Variants in SVEP1 observed in about 807,000 individuals in gnomAD.
SVEP1 encodes the protein sushi, von Willebrand factor type A, EGF and pentraxin domain containing 1.
A neutral mutation model predicts 367.3 loss-of-function variants in SVEP1; 164 were observed. That is an observed-to-expected ratio of 0.45 (90% CI 0.39 to 0.51). The LOEUF (loss-of-function observed/expected upper bound fraction) is 0.51, where lower values mean the gene tolerates loss of function less well. Among genes scored for constraint, SVEP1 ranks in the 20% least tolerant of loss-of-function variants. The pLI, the probability that SVEP1 is intolerant of heterozygous loss-of-function variation, is 0.00. For missense variants in SVEP1, 4,117 were observed against 4,425.3 expected (o/e 0.93, Z 1.98); for synonymous variants, 1,666 against 1,611.6 (o/e 1.03, Z -0.81).
At chr9:110,460,282 C>T (rs1443097739) in intron 18 of SVEP1, among the ~76,000 whole-genome samples, 1 of 151,952 alleles carries the variant, frequency 6.6e-6, no homozygotes, top group Non-Finnish European at 1.5e-5. Context: ...TAACTAATTG[C>T]TACCTTTTGA....
chr9:110,568,772 T>C (rs1010593594), intron 1 of SVEP1, among the ~76,000 whole-genome samples: 4 of 152,210 alleles, frequency 2.6e-5, no homozygotes, highest in African/African-American at 7.2e-5. Context: ...ACCATGTAGA[T>C]ACACAAATAT....
chr9:110,533,732 T>C (rs7036152), intron 3 of SVEP1, among the ~76,000 whole-genome samples: 109,387 of 152,134 alleles, frequency 0.72, 40,186 homozygotes, highest in Admixed American at 0.79. Context: ...TCCTCTAGCT[T>C]GGGCTATCAT....
chr9:110,487,229 T>C (rs1166187329), intron 9 of SVEP1, among the ~76,000 whole-genome samples: 1 of 152,216 alleles, frequency 6.6e-6, no homozygotes, highest in Non-Finnish European at 1.5e-5. Flanking sequence ...GTGCTGGTAT[T>C]ACAGGATGAG....
rs1827977559 is a variant in SVEP1, at chr9:110,407,707, C to T, written c.7893G>A (p.Gln2631=). 6.2e-7 allele frequency: 1 copy of T among 1,613,842 alleles called. No homozygotes were observed. Among genetic ancestry groups the T allele is most frequent in the Non-Finnish European group, 8.5e-7 (1 of 1,179,900 alleles). Residue 2631 remains glutamine (Q), a synonymous_variant, in exon 38 of 48, where the codon CAG becomes CAA. Transcript: ENST00000374469. ...TGTCGTCTTCTTGCTCAAAATATCC[C>T]TGGTCATCTTTGAGTTTAGTACAGT... ...FGDCTKLKDD[Q]GYFEQEDDMM...
chr9:110,459,909 G>T (rs1828831435), intron 18 of SVEP1, among the ~76,000 whole-genome samples: 1 of 152,006 alleles, frequency 6.6e-6, no homozygotes, highest in Non-Finnish European at 1.5e-5. Flanking sequence ...TTTTATGGAG[G>T]TTTTTTATGA....
At chr9:110,383,380 G>A (rs564215215) in intron 43 of SVEP1, among the ~76,000 whole-genome samples, 8 of 152,234 alleles carry the variant, frequency 5.3e-5, no homozygotes, top group Non-Finnish European at 1.0e-4. Context: ...TGCCTGGGTC[G>A]CACCTGCACC....
chr9:110,403,296 GT>G (rs71371665), intron 39 of SVEP1, among the ~76,000 whole-genome samples: 6 of 43,462 alleles, frequency 1.4e-4, no homozygotes, highest in East Asian at 6.8e-4. Flanking sequence ...CGCCACCGCC[GT>G]TTTTTTTTTT....
At chr9:110,401,134 G>C (rs1027452551) in intron 39 of SVEP1, 125 bp from the exon 40 acceptor site, 4 of 1,180,526 alleles carry the variant, frequency 3.4e-6, no homozygotes, top group South Asian at 1.5e-5. Context: ...CCCAGGGTTT[G>C]GTCCTACTTT....
intron 3 of SVEP1, among the ~76,000 whole-genome samples, chr9:110,537,290 C>G (rs891978290): frequency 6.6e-6 from 1 of 151,838 alleles, no homozygotes; most frequent in Non-Finnish European, 1.5e-5. Flanking sequence ...GCTCTCTTAA[C>G]CTAACAATGA....
At chr9:110,495,748 C>T (rs1829436198) in intron 8 of SVEP1, among the ~76,000 whole-genome samples, 1 of 151,820 alleles carries the variant, frequency 6.6e-6, no homozygotes, top group Non-Finnish European at 1.5e-5. Context: ...AAGTAAAATT[C>T]CTAAATGAAC....
chr9:110,460,832 G>A (rs1828847232), intron 18 of SVEP1, among the ~76,000 whole-genome samples: 1 of 151,810 alleles, frequency 6.6e-6, no homozygotes, highest in African/African-American at 2.4e-5. Context: ...TTACCATTGT[G>A]AGACATACAG....
At chr9:110,545,528 G>A (rs1830209425) in intron 3 of SVEP1, among the ~76,000 whole-genome samples, 1 of 152,144 alleles carries the variant, frequency 6.6e-6, no homozygotes, top group Non-Finnish European at 1.5e-5. Context: ...CTCCTGAAGA[G>A]TTTAAAAAGC....
chr9:110,368,394 T>C (rs1448642252), intron 47 of SVEP1, among the ~76,000 whole-genome samples: 1 of 152,240 alleles, frequency 6.6e-6, no homozygotes, highest in Admixed American at 6.5e-5. Flanking sequence ...TAGCCTTCCC[T>C]TGAAGGTGAG....
intron 2 of SVEP1, among the ~76,000 whole-genome samples, chr9:110,548,398 G>A (rs575718361): frequency 2.6e-5 from 4 of 152,230 alleles, no homozygotes; most frequent in African/African-American, 7.2e-5. Context: ...ATTGAGTGCT[G>A]AGTATAACAA....
intron 40 of SVEP1, among the ~76,000 whole-genome samples, chr9:110,395,525 G>A (rs529985403): frequency 1.9e-3 from 282 of 152,278 alleles, no homozygotes; most frequent in African/African-American, 6.4e-3. Flanking sequence ...ATGTAAATGG[G>A]CTAAATGCTC....
In SVEP1 at chr9:110,389,442, A is replaced by G. The variant is rs1430487545; in HGVS notation, c.9886+82T>C. On this transcript the variant is annotated intron_variant, in intron 41 of 47. Transcript: ENST00000374469. ...TGGCTTACATTTTAATTACAAAACT[A>G]ACCTATAAAGAAAATGTAGCCACAC... 56 of 1,526,624 alleles carry G rather than the reference A, an allele frequency of 3.7e-5. 1 individual carries two copies. In the Admixed American group the frequency reaches 1.1e-3, roughly 29 times the overall value. 94.6% of individuals were successfully genotyped at this position (1,526,624 alleles called of 1,614,324 possible).
At chr9:110,476,505 A>G (rs760000916) in intron 13 of SVEP1, among the ~76,000 whole-genome samples, 190 bp from the exon 14 acceptor site, 1 of 152,100 alleles carries the variant, frequency 6.6e-6, no homozygotes, top group Non-Finnish European at 1.5e-5. Context: ...GGTCACCAGG[A>G]TTAGTTTCAC....
chr9:110,561,664 G>C (rs920968389), intron 1 of SVEP1, among the ~76,000 whole-genome samples: 1 of 152,084 alleles, frequency 6.6e-6, no homozygotes, highest in Non-Finnish European at 1.5e-5. Flanking sequence ...CACTGTACTA[G>C]GGATTTACCA....
intron 1 of SVEP1, among the ~76,000 whole-genome samples, chr9:110,566,739 G>A (rs1291758090): frequency 6.6e-6 from 1 of 152,200 alleles, no homozygotes; most frequent in African/African-American, 2.4e-5. Flanking sequence ...CAATATTGAG[G>A]AGAACATTAC....
Sources: allele counts gnomAD v4.1 joint callset (sites outside exome capture counted in the v4.1 genomes callset), GRCh38; gene constraint gnomAD v4.1.1; transcripts MANE v1.5; gene names NCBI Gene and HGNC (gene_info 2026-07-23, HGNC 2026-07-21).